Variants in PDIA6 observed in about 807,000 individuals in gnomAD.
The protein encoded by PDIA6 is protein disulfide-isomerase A6.
In PDIA6, 29 loss-of-function variants were observed where a neutral mutation model predicts 58.4. That is an observed-to-expected ratio of 0.50 (90% CI 0.37 to 0.68). PDIA6 has a LOEUF of 0.68. Ranked by LOEUF, PDIA6 falls within the 30% of genes least tolerant of loss-of-function variation. The probability of loss-of-function intolerance (pLI) is 0.00; values close to 1 mark genes in which losing one functional copy is unlikely to be tolerated. For synonymous variants in PDIA6, 192 were observed against 202.6 expected (o/e 0.95, Z 0.44); for missense variants, 480 against 551.0 (o/e 0.87, Z 1.29).
chr2:10,819,207 G>C, intron 2 of PDIA6: 1 of 936,584 alleles, frequency 1.1e-6, no homozygotes, highest in Non-Finnish European at 1.7e-6. Flanking sequence ...GGACACTTGG[G>C]TTGTTTTCAC....
chr2:10,819,055 T>G (rs1163746440), intron 2 of PDIA6, among the ~76,000 whole-genome samples: 1 of 152,216 alleles, frequency 6.6e-6, no homozygotes, highest in African/African-American at 2.4e-5. Flanking sequence ...ACTGTCCTTT[T>G]GTGAGTGATT....
chr2:10,802,387 A>G, intron 2 of PDIA6, 112 bp downstream of exon 2: 1 of 622,578 alleles, frequency 1.6e-6, no homozygotes, highest in Non-Finnish European at 2.5e-6. Context: ...TACTTCTTTT[A>G]AACAAACACT....
chr2:10,794,088 AACATATGCCATCTG>A (rs144142406), intron 4 of PDIA6, among the ~76,000 whole-genome samples: 60,982 of 152,046 alleles, frequency 0.4, 13,423 homozygotes, highest in Middle Eastern at 0.53. Flanking sequence ...GTACTGGAAT[AACATATGCCATCTG>A]CTTTCTTCAG....
At chr2:10,805,005 T>C (rs1318384560) in intron 1 of PDIA6, among the ~76,000 whole-genome samples, 1 of 151,772 alleles carries the variant, frequency 6.6e-6, no homozygotes, top group Non-Finnish European at 1.5e-5. Context: ...TTGTGATTTT[T>C]GTACATTGAT....
chr2:10,811,694 C>A (rs1055913186), intron 1 of PDIA6, among the ~76,000 whole-genome samples: 1 of 152,188 alleles, frequency 6.6e-6, no homozygotes. Context: ...ACTGTCAGAG[C>A]CAAGGCTGTG....
chr2:10,815,058 G>A (rs530410267), upstream of PDIA6, among the ~76,000 whole-genome samples: 10 of 152,290 alleles, frequency 6.6e-5, no homozygotes, highest in African/African-American at 2.4e-4. Flanking sequence ...ACACCCCTGT[G>A]AAGCCCACTG....
intron 2 of PDIA6, among the ~76,000 whole-genome samples, chr2:10,817,910 G>T (rs1488081155): frequency 6.6e-6 from 1 of 152,202 alleles, no homozygotes; most frequent in Non-Finnish European, 1.5e-5. Context: ...GACTAATACA[G>T]GGCTTAATGT....
At chr2:10,794,468 C>CT (rs76574229) in intron 4 of PDIA6, among the ~76,000 whole-genome samples, 3,886 of 128,310 alleles carry the variant, frequency 0.03, 221 homozygotes, top group African/African-American at 0.098. Context: ...AAAAATCTTT[C>CT]TTTTTTTTTT....
chr2:10,832,856 TG>T (rs1324103078), upstream of PDIA6, among the ~76,000 whole-genome samples: 2 of 152,122 alleles, frequency 1.3e-5, no homozygotes, highest in Non-Finnish European at 2.9e-5. Context: ...GAGGATCACC[TG>T]GGCCCCCAGG....
upstream of PDIA6, among the ~76,000 whole-genome samples, chr2:10,816,459 G>T (rs1667197882): frequency 6.7e-6 from 1 of 148,494 alleles, no homozygotes; most frequent in African/African-American, 2.5e-5. Context: ...GTCAGGTGTT[G>T]GGTTAAATTA....
chr2:10,822,834 G>A (rs993096470), intron 1 of PDIA6, among the ~76,000 whole-genome samples: 5 of 152,198 alleles, frequency 3.3e-5, no homozygotes, highest in Admixed American at 6.5e-5. Context: ...TATGGCTGTT[G>A]CCTCTCTAGC....
intron 1 of PDIA6, among the ~76,000 whole-genome samples, chr2:10,803,679 T>G (rs75120153): frequency 7.7e-6 from 1 of 129,748 alleles, no homozygotes; most frequent in Admixed American, 8.1e-5. Flanking sequence ...ATTCTGAACT[T>G]ACTAGTATCT....
upstream of PDIA6, among the ~76,000 whole-genome samples, chr2:10,813,923 C>G (rs909749448): frequency 1.3e-5 from 2 of 151,566 alleles, no homozygotes; most frequent in Non-Finnish European, 2.9e-5. Flanking sequence ...CAGGGTTTCT[C>G]CATATTGGCC....
At chr2:10,795,650 A>T (rs1051251325) in intron 4 of PDIA6, among the ~76,000 whole-genome samples, 5 of 152,274 alleles carry the variant, frequency 3.3e-5, no homozygotes, top group African/African-American at 1.2e-4. Context: ...GAAGCAAGAC[A>T]CTAAGTACTG....
chr2:10,836,947 A>G (rs760296309), upstream of PDIA6, among the ~76,000 whole-genome samples: 21 of 152,260 alleles, frequency 1.4e-4, no homozygotes, highest in Middle Eastern at 3.4e-3. Context: ...GAATGAGAAC[A>G]TCTTTCTGGC....
intron 1 of PDIA6, among the ~76,000 whole-genome samples, chr2:10,810,772 A>G (rs756581177): frequency 5.3e-5 from 8 of 152,048 alleles, no homozygotes; most frequent in Non-Finnish European, 1.0e-4. Flanking sequence ...ACTACCTCCA[A>G]CCCCCAAGAA....
chr2:10,799,933 A>T (rs967292851), intron 2 of PDIA6, among the ~76,000 whole-genome samples: 2 of 152,222 alleles, frequency 1.3e-5, no homozygotes, highest in African/African-American at 4.8e-5. Context: ...AAAAAGAATA[A>T]ATCTGAAGCC....
chr2:10,823,931 C>T (rs72779470), intron 1 of PDIA6, among the ~76,000 whole-genome samples: 19,628 of 151,774 alleles, frequency 0.13, 1,538 homozygotes, highest in Non-Finnish European at 0.18. Flanking sequence ...TTTCTCAATT[C>T]GGGACAACCC....
chr2:10,797,794 C>G (rs746023693), intron 2 of PDIA6, 37 bp from the exon 3 acceptor site: 8 of 1,532,638 alleles, frequency 5.2e-6, no homozygotes, highest in Non-Finnish European at 7.1e-6. Context: ...ACCATTAAAG[C>G]CTTTGATTCT....
Sources: allele counts gnomAD v4.1 joint callset (sites outside exome capture counted in the v4.1 genomes callset), GRCh38; gene constraint gnomAD v4.1.1; transcripts MANE v1.5; gene names NCBI Gene and HGNC (gene_info 2026-07-23, HGNC 2026-07-21).